PTGES2: variants seen among roughly 807,000 people sequenced by gnomAD.
PTGES2 encodes GATE-binding factor 1.
Under a neutral mutation model 44.5 loss-of-function variants are expected in PTGES2, and 35 were observed. That is an observed-to-expected ratio of 0.79 (90% confidence interval 0.60 to 1.04). PTGES2 has a LOEUF of 1.04. Among genes scored for constraint, PTGES2 ranks in the 50% least tolerant of loss-of-function variants. The pLI is 0.00. For missense variants in PTGES2, 517 were observed against 521.4 expected (o/e 0.99, Z 0.08); for synonymous variants, 221 against 227.5 (o/e 0.97, Z 0.26).
At chr9:128,121,892 G>A (rs911410052) in intron 6 of PTGES2, among the ~76,000 whole-genome samples, 30 of 151,702 alleles carry the variant, frequency 2.0e-4, no homozygotes, top group Admixed American at 1.8e-3. Flanking sequence ...CCGCCTGGGT[G>A]ACAGCGTGAG....
intron 6 of PTGES2, 52 bp from the exon 7 acceptor site, chr9:128,121,325 ACCT>A (rs762963139): frequency 1.3e-6 from 2 of 1,569,368 alleles, no homozygotes; most frequent in African/African-American, 1.4e-5. Context: ...AGGCATCCAG[ACCT>A]CCTTCGTTCC....
In PTGES2 at chr9:128,122,920, GCA is replaced by G. The variant is rs778947176; in HGVS notation, c.887+12_887+13del. The G allele has an allele frequency of 3.1e-6, 5 of 1,613,346 alleles. No individual in the cohort carries two copies. The African/African-American group carries it at 5.3e-5, about 17-fold the overall frequency. On this transcript the variant is annotated intron_variant, in intron 5 of 6. Transcript: ENST00000338961. ...CTCGGGGACAGCAGGCCCCGGATGT[GCA>G]CACACACTTGCCTGCTCTTGAGTCG...
chr9:128,128,035 T>G, upstream of PTGES2: 2 of 378,844 alleles, frequency 5.3e-6, no homozygotes, highest in Non-Finnish European at 9.7e-6. Flanking sequence ...AAGGGCGGCG[T>G]GGCCGTCTGT....
At position 128,127,470 on chromosome 9, in the gene PTGES2, TG is replaced by T; in HGVS notation, c.247del (p.Gln83ArgfsTer20). ...GGCTGAGCGCTCTGCGTGGAGGTCC[TG>T]GGCGCGCAGGTGCCACCGCGCCGTG... ...YHTARWHLRA[Q>X]DLHAERSAAQ... On this transcript the variant is annotated frameshift_variant, in exon 1 of 7. Coordinates refer to ENST00000338961, the MANE Select transcript of PTGES2 (RefSeq NM_025072.7). LOFTEE classifies it high-confidence loss of function. The T allele has an allele frequency of 7.1e-7, 1 of 1,402,908 alleles. No homozygotes were observed. The highest frequency in any genetic ancestry group is 9.3e-7 in the Non-Finnish European group (1 of 1,073,894). The allele number at this position is 1,402,908 out of a possible 1,614,324, so 86.9% of individuals were successfully genotyped here.
In PTGES2 at chr9:128,123,645, C is replaced by T. The variant is rs1431480368; in HGVS notation, c.686+57G>A. The T allele has an allele frequency of 1.9e-6, 3 of 1,563,374 alleles. No individual in the cohort carries two copies. Among genetic ancestry groups the T allele is most frequent in the Non-Finnish European group, 2.6e-6 (3 of 1,145,186 alleles). The stretch of plus-strand genomic sequence containing the variant: ...CGCCATCTTGCTCAGCTTGGTCCTA[C>T]TCTACAGAAGACCCCTGCGGTCACC... On this transcript the variant is annotated intron_variant, in intron 4 of 6. Coordinates refer to ENST00000338961, the MANE Select transcript of PTGES2 (RefSeq NM_025072.7). This position sits in a 1 kb window ranked among gnomAD's most constrained non-coding sequence, Gnocchi z 4.4.
upstream of PTGES2, chr9:128,127,838 G>A (rs1435606419): frequency 3.0e-6 from 3 of 994,854 alleles, no homozygotes; most frequent in Admixed American, 4.4e-5. Flanking sequence ...GACGCTAAGG[G>A]AACCCTCAGC....
chr9:128,124,210 A>C (rs933371594), intron 3 of PTGES2: 8 of 371,062 alleles, frequency 2.2e-5, no homozygotes, highest in African/African-American at 6.1e-5. Flanking sequence ...CAGCCTCCTG[A>C]GTAGCTGGGA....
chr9:128,127,581 C>A lies in PTGES2; in HGVS notation c.137G>T (p.Ser46Ile), dbSNP rs910188183. The A allele has an allele frequency of 2.4e-6, 3 of 1,276,180 alleles. No homozygotes were observed. Among genetic ancestry groups the A allele is most frequent in the Non-Finnish European group, 3.0e-6 (3 of 1,012,284 alleles). 79.1% of individuals were successfully genotyped at this position (1,276,180 alleles called of 1,614,324 possible). The change falls in exon 1 of 7, where the codon AGC (serine) becomes ATC (isoleucine). Residue 46 changes from serine (S) to isoleucine (I), a missense_variant. By Grantham distance (142) the Ser-to-Ile change is moderately radical (BLOSUM62 -2). Transcript: ENST00000338961. ...AGFAGAAGGP[S>I]PVAAARKGSP... ...CCCCTTACGAGCTGCAGCCACGGGG[C>A]TCGGGCCGCCCGCCGCCCCCGCGAA...
chr9:128,123,220 G>T lies in PTGES2; in HGVS notation c.687-86C>A. On this transcript the variant is annotated intron_variant, in intron 4 of 6. Coordinates refer to ENST00000338961, the MANE Select transcript of PTGES2 (RefSeq NM_025072.7). The surrounding 1 kb of genome is among the most constrained non-coding windows in gnomAD (Gnocchi z 4.4). Reference sequence around the variant, plus strand: ...TTCTCTAGAACATACCCACTGCACGGGCGGGAAGCTGAAGCCTGAGCAGGA... The same window carrying T: ...TTCTCTAGAACATACCCACTGCACGTGCGGGAAGCTGAAGCCTGAGCAGGA... 3 of 1,313,322 alleles carry T rather than the reference G, an allele frequency of 2.3e-6. No individual in the cohort carries two copies. In the Admixed American group the frequency reaches 6.3e-5, roughly 27 times the overall value. 81.4% of individuals were successfully genotyped at this position (1,313,322 alleles called of 1,614,324 possible).
Position 128,122,478 on chromosome 9 carries a change from G to A in PTGES2, c.889C>T (p.His297Tyr), listed in dbSNP as rs142090142. The change falls in exon 6 of 7, where the codon CAC (histidine) becomes TAC (tyrosine). Residue 297 changes from histidine (H) to tyrosine (Y), a missense_variant and splice_region_variant. By Grantham distance (83) the His-to-Tyr change is moderately conservative. Coordinates refer to ENST00000338961, the MANE Select transcript of PTGES2 (RefSeq NM_025072.7). The stretch of plus-strand genomic sequence containing the variant: ...TCGCGCACGTTGTCCTGGAGGCGGT[G>A]CCTGGGCGGGGAAGGGAAAAGCCCC... ...YLISKRLKSRHRLQDNVREDL... is the reference protein window; with the variant it reads ...YLISKRLKSRYRLQDNVREDL... 44 of 1,613,130 alleles carry A rather than the reference G, an allele frequency of 2.7e-5. No individual in the cohort carries two copies. In the African/African-American group the frequency reaches 4.4e-4, roughly 16 times the overall value.
Position 128,124,553 on chromosome 9 carries a change from GGAAGA to G in PTGES2, c.478-8_478-4del. On this transcript the variant is annotated splice_polypyrimidine_tract_variant and splice_region_variant and intron_variant, in intron 2 of 6. Transcript: ENST00000338961. ...ACAGAGGAGTCATTTAGTTGTTGCT[GGAAGA>G]GAAAAGGGTGGTTTAATCAGAGGTT... 6.2e-7 allele frequency: 1 copy of G among 1,613,084 alleles called. No homozygotes were observed. Among genetic ancestry groups the G allele is most frequent in the Non-Finnish European group, 8.5e-7 (1 of 1,179,314 alleles).
At chr9:128,128,341 G>A, upstream of PTGES2, 1 of 456,312 alleles carries the variant, frequency 2.2e-6, no homozygotes, top group Non-Finnish European at 4.4e-6. Flanking sequence ...GGATGGCAAA[G>A]TGGGGTGCCA....
chr9:128,128,095 AG>A (rs1253214551), upstream of PTGES2: 2 of 355,328 alleles, frequency 5.6e-6, no homozygotes, highest in Non-Finnish European at 1.1e-5. Context: ...AAACAACTCC[AG>A]CCCTTCCTAG....
chr9:128,127,261 T>C (rs1274093999), intron 1 of PTGES2, among the ~76,000 whole-genome samples, 178 bp downstream of exon 1: 2 of 144,356 alleles, frequency 1.4e-5, no homozygotes, highest in East Asian at 2.1e-4. Flanking sequence ...TTCCAGGTAG[T>C]AGGCATCAGG....
At chr9:128,124,274 G>C (rs1834535353) in intron 3 of PTGES2, 3 of 431,312 alleles carry the variant, frequency 7.0e-6, no homozygotes, top group East Asian at 8.6e-5. Flanking sequence ...AGTAGAGATG[G>C]AGCTTCGCCA....
Position 128,123,668 on chromosome 9 carries a change from A to G in PTGES2, c.686+34T>C. 2 of 1,600,148 alleles carry G rather than the reference A, an allele frequency of 1.2e-6. No homozygotes were observed. Among genetic ancestry groups the G allele is most frequent in the Non-Finnish European group, 8.5e-7 (1 of 1,171,260 alleles). ...TACTCTACAGAAGACCCCTGCGGTC[A>G]CCACCTTCCCCCGCCAGCCCCAGCC... On this transcript the variant is annotated intron_variant, in intron 4 of 6. Coordinates refer to ENST00000338961, the MANE Select transcript of PTGES2 (RefSeq NM_025072.7). This position sits in a 1 kb window ranked among gnomAD's most constrained non-coding sequence, Gnocchi z 4.4.
intron 6 of PTGES2, 53 bp from the exon 7 acceptor site, chr9:128,121,326 C>A (rs1834403767): frequency 6.3e-7 from 1 of 1,575,388 alleles, no homozygotes; most frequent in Non-Finnish European, 8.7e-7. Flanking sequence ...GGCATCCAGA[C>A]CTCCTTCGTT....
chr9:128,127,224 A>G (rs1456322262), intron 1 of PTGES2, among the ~76,000 whole-genome samples: 1 of 145,566 alleles, frequency 6.9e-6, no homozygotes, highest in African/African-American at 2.5e-5. Flanking sequence ...CCACGGTAGA[A>G]GAACGATTTT....
chr9:128,125,066 C>T (rs1313695358), intron 2 of PTGES2, among the ~76,000 whole-genome samples, 178 bp downstream of exon 2: 5 of 152,158 alleles, frequency 3.3e-5, no homozygotes, highest in Admixed American at 1.3e-4. Flanking sequence ...GGTTTTGGTA[C>T]GGAAGGAGAG....
Sources: allele counts gnomAD v4.1 joint callset (sites outside exome capture counted in the v4.1 genomes callset), GRCh38; gene constraint gnomAD v4.1.1; non-coding constraint Gnocchi (gnomAD v3.1); transcripts MANE v1.5; gene names NCBI Gene and HGNC (gene_info 2026-07-23, HGNC 2026-07-21).